The following RBFOX1 variants were observed in gnomAD, a reference collection of about 807,000 sequenced individuals.
The protein encoded by RBFOX1 is RNA binding fox-1 homolog 1.
Under a neutral mutation model 57.7 loss-of-function variants are expected in RBFOX1, and 8 were observed. The observed-to-expected ratio is 0.14, with a 90% CI of 0.08 to 0.25. RBFOX1 has a LOEUF of 0.25. Among genes scored for constraint, RBFOX1 ranks in the 10% least tolerant of loss-of-function variants. The probability of loss-of-function intolerance (pLI) is 1.00; values close to 1 mark genes in which losing one functional copy is unlikely to be tolerated. For missense variants in RBFOX1, 611 were observed against 548.5 expected (o/e 1.11, Z -1.14); for synonymous variants, 326 against 222.4 (o/e 1.47, Z -4.15).
In RBFOX1 at chr16:6,948,349, C is replaced by G. The variant is rs541674130; in HGVS notation, c.-15-103708C>G. Among the ~76,000 whole-genome samples the G allele has an allele frequency of 3.1e-4, 44 of 142,112 alleles. 1 individual carries two copies. In the South Asian group the frequency reaches 6.1e-3, roughly 20 times the overall value. The allele number at this position is 142,112 out of a possible 152,430, so 93.2% of individuals were successfully genotyped here. ...GGAAACAAACTCTGACATCTTTCTG[C>G]TACATGTCCTTTTCTTTCTCCCTTT... On this transcript the variant is annotated intron_variant, in intron 3 of 15. Transcript: ENST00000550418.
In RBFOX1 at chr16:6,375,326, G is replaced by A. The variant is rs145329705; in HGVS notation, c.-64+58269G>A. On this transcript the variant is annotated intron_variant, in intron 2 of 15. Transcript: ENST00000550418. ...AACAAAAACAAAAACCACCTTCCCT[G>A]TGTCATTTCTCTTTTAACAAAGAAA... Among the ~76,000 whole-genome samples, 1,275 of 151,886 alleles carry A rather than the reference G, an allele frequency of 8.4e-3. 20 individuals carry two copies. The highest frequency in any genetic ancestry group is 0.027 in the African/African-American group (1,129 of 41,378).
intron 1 of RBFOX1, among the ~76,000 whole-genome samples, chr16:5,272,685 G>A (rs1285799299): frequency 6.6e-6 from 1 of 152,196 alleles, no homozygotes; most frequent in Non-Finnish European, 1.5e-5. Context: ...GCCATGGAAA[G>A]GTTCCCATGA....
At chr16:7,409,568 C>T (rs1375995431) in intron 4 of RBFOX1, among the ~76,000 whole-genome samples, 2 of 152,130 alleles carry the variant, frequency 1.3e-5, no homozygotes, top group African/African-American at 2.4e-5. Context: ...TATGTCTGTG[C>T]ATTGAATATG....
At chr16:6,669,411 T>C (rs1340044985) in intron 3 of RBFOX1, among the ~76,000 whole-genome samples, 1 of 152,242 alleles carries the variant, frequency 6.6e-6, no homozygotes, top group Non-Finnish European at 1.5e-5. Context: ...ATCTTTTTAC[T>C]GTGGCCATCT....
In RBFOX1 at chr16:6,942,050, G is replaced by A. The variant is rs144411147; in HGVS notation, c.-15-110007G>A. On this transcript the variant is annotated intron_variant, in intron 3 of 15. Coordinates refer to ENST00000550418, the MANE Select transcript of RBFOX1 (RefSeq NM_018723.4). Reference sequence around the variant, plus strand: ...TTGAGAGCAGCCTGGCCAAAATGGTGAAACCCCATCTTTACTAAAAATAAT... The same window carrying A: ...TTGAGAGCAGCCTGGCCAAAATGGTAAAACCCCATCTTTACTAAAAATAAT... Among the ~76,000 whole-genome samples the A allele has an allele frequency of 6.4e-4, 97 of 152,182 alleles. 2 individuals carry two copies. The highest frequency in any genetic ancestry group is 1.2e-3 in the Non-Finnish European group (84 of 68,020).
At chr16:5,623,817 T>C (rs2048268616) in intron 3 of RBFOX1, among the ~76,000 whole-genome samples, 2 of 152,322 alleles carry the variant, frequency 1.3e-5, no homozygotes, top group Non-Finnish European at 2.9e-5. Flanking sequence ...AATCCTTCAC[T>C]GTTTATAAAG....
chr16:6,902,210 T>C (rs1484162095), intron 3 of RBFOX1, among the ~76,000 whole-genome samples: 4 of 152,218 alleles, frequency 2.6e-5, no homozygotes, highest in Non-Finnish European at 2.9e-5. Flanking sequence ...CTTCATTTTT[T>C]GGAAATCATT....
intron 3 of RBFOX1, among the ~76,000 whole-genome samples, chr16:5,738,204 G>A (rs564788441): frequency 5.3e-5 from 8 of 152,106 alleles, no homozygotes; most frequent in East Asian, 1.9e-4. Context: ...ATGAAAGTAC[G>A]TATGAAACTT....
chr16:5,828,909 C>T (rs111454817), intron 3 of RBFOX1, among the ~76,000 whole-genome samples: 3 of 152,114 alleles, frequency 2.0e-5, no homozygotes, highest in East Asian at 1.9e-4. Context: ...CATCACTTAC[C>T]GTTTCACTGT....
intron 1 of RBFOX1, among the ~76,000 whole-genome samples, chr16:6,085,424 C>T (rs978567556): frequency 2.6e-5 from 4 of 152,148 alleles, no homozygotes; most frequent in South Asian, 2.1e-4. Flanking sequence ...AGGTATGCGC[C>T]GCTATGCCCA....
intron 4 of RBFOX1, among the ~76,000 whole-genome samples, chr16:7,065,465 G>A (rs941470724): frequency 5.9e-5 from 9 of 152,140 alleles, no homozygotes; most frequent in African/African-American, 2.2e-4. Context: ...TTCTGAACCT[G>A]CTTCTGCAGC....
intron 2 of RBFOX1, among the ~76,000 whole-genome samples, chr16:6,478,874 A>G (rs1418396400): frequency 6.6e-6 from 1 of 152,170 alleles, no homozygotes; most frequent in African/African-American, 2.4e-5. Flanking sequence ...CTCATCACAG[A>G]TCACAGTAAC....
chr16:7,254,069 GTGT>G (rs1478244678), intron 4 of RBFOX1, among the ~76,000 whole-genome samples: 1 of 152,136 alleles, frequency 6.6e-6, no homozygotes, highest in Admixed American at 6.5e-5. Flanking sequence ...TTTGGGCATT[GTGT>G]TGTTGTGCTA....
chr16:6,118,342 G>A (rs2096519886), intron 1 of RBFOX1, among the ~76,000 whole-genome samples: 1 of 152,150 alleles, frequency 6.6e-6, no homozygotes, highest in Admixed American at 6.5e-5. Flanking sequence ...ACATTGGGTA[G>A]ATTTTTTAAA....
At chr16:6,613,198 G>C (rs1466164749) in intron 2 of RBFOX1, among the ~76,000 whole-genome samples, 1 of 152,100 alleles carries the variant, frequency 6.6e-6, no homozygotes, top group Non-Finnish European at 1.5e-5. Context: ...ATTAGCATCA[G>C]CTTCCAAGCA....
chr16:7,184,803 C>T (rs2083398512), intron 4 of RBFOX1, among the ~76,000 whole-genome samples: 1 of 152,030 alleles, frequency 6.6e-6, no homozygotes, highest in African/African-American at 2.4e-5. Flanking sequence ...CTCTATGTAT[C>T]AACTCAGAAC....
At chr16:7,683,661 C>T (rs766899895) in intron 14 of RBFOX1, among the ~76,000 whole-genome samples, 17 of 151,930 alleles carry the variant, frequency 1.1e-4, no homozygotes, top group Non-Finnish European at 2.5e-4. Context: ...CTTTTTAGGT[C>T]GCAGATCATT....
At chr16:6,397,131 AGT>A (rs1165319993) in intron 2 of RBFOX1, among the ~76,000 whole-genome samples, 1 of 152,210 alleles carries the variant, frequency 6.6e-6, no homozygotes, top group Admixed American at 6.5e-5. Flanking sequence ...ATAATGCATA[AGT>A]AATAGTTGAA....
At position 7,476,305 on chromosome 16, in the gene RBFOX1, A is replaced by G. The variant is rs559641618; in HGVS notation, c.28-41842A>G. ...AATATTTGTTTGAATTCTTACCCTC[A>G]CAATTACAAGCTGTGGCCTTAATCC... On this transcript the variant is annotated intron_variant, in intron 4 of 15. Transcript: ENST00000550418. Among the ~76,000 whole-genome samples the G allele has an allele frequency of 8.5e-4, 130 of 152,298 alleles. 1 individual carries two copies. Among genetic ancestry groups the G allele is most frequent in the Non-Finnish European group, 1.6e-3 (108 of 68,022 alleles).
Sources: gnomAD v4.1 joint callset for allele counts (sites outside exome capture counted in the v4.1 genomes callset) on GRCh38, gnomAD v4.1.1 for gene constraint, MANE v1.5 for transcripts, NCBI Gene and HGNC (gene_info 2026-07-23, HGNC 2026-07-21) for gene names.